UBAP2L: variants seen among roughly 807,000 people sequenced by gnomAD.
UBAP2L encodes the protein ubiquitin-associated protein 2-like.
A neutral mutation model predicts 130.6 loss-of-function variants in UBAP2L; 12 were observed. The observed-to-expected ratio is 0.09, with a 90% CI of 0.06 to 0.15. UBAP2L has a LOEUF of 0.15. Among genes scored for constraint, UBAP2L ranks in the 10% least tolerant of loss-of-function variants. The pLI, the probability that UBAP2L is intolerant of heterozygous loss-of-function variation, is 1.00. For synonymous variants in UBAP2L, 503 were observed against 524.7 expected, an observed-to-expected ratio of 0.96 and a Z score of 0.57; for missense variants, 965 against 1,332.5, an observed-to-expected ratio of 0.72 and a Z score of 4.29.
intron 10 of UBAP2L, 34 bp from the exon 11 acceptor site, chr1:154,246,169 CA>C: frequency 6.3e-7 from 1 of 1,579,092 alleles, no homozygotes; most frequent in South Asian, 1.1e-5. Flanking sequence ...CGTGTTCAGT[CA>C]TTCTTCATGA....
intron 12 of UBAP2L, among the ~76,000 whole-genome samples, chr1:154,250,027 T>C (rs977690485): frequency 6.6e-6 from 1 of 152,200 alleles, no homozygotes; most frequent in African/African-American, 2.4e-5. Flanking sequence ...TAAGACCTTA[T>C]ACAGTAAGTC....
At chr1:154,270,172 T>G (rs1270096154) in intron 26 of UBAP2L, 28 bp from the exon 27 acceptor site, 1 of 1,553,686 alleles carries the variant, frequency 6.4e-7, no homozygotes, top group Non-Finnish European at 8.7e-7. Context: ...ACCTTTTTCC[T>G]CCTCATGATC....
At chr1:154,221,263 G>A (rs1005890424) in intron 1 of UBAP2L, 8 of 152,854 alleles carry the variant, frequency 5.2e-5, no homozygotes, top group African/African-American at 1.9e-4. Context: ...CCGCGCCAGA[G>A]CCGGGGCCTC....
intron 24 of UBAP2L, 75 bp from the exon 25 acceptor site, chr1:154,266,426 A>G: frequency 6.8e-7 from 1 of 1,477,172 alleles, no homozygotes; most frequent in South Asian, 1.1e-5. Context: ...AAGGCTACAG[A>G]TATCACCTCA....
intron 4 of UBAP2L, 36 bp downstream of exon 4, chr1:154,228,761 C>T (rs1668813571): frequency 1.3e-6 from 2 of 1,500,166 alleles, no homozygotes; most frequent in African/African-American, 2.8e-5. Flanking sequence ...GACATGGGTC[C>T]TCAATTGGGA....
intron 14 of UBAP2L, 101 bp downstream of exon 14, chr1:154,251,754 A>G: frequency 2.3e-6 from 3 of 1,323,406 alleles, no homozygotes; most frequent in African/African-American, 1.5e-5. Context: ...GCCCCTCTGC[A>G]TGGCTGAGGG....
At chr1:154,233,964 A>G (rs954067700) in intron 4 of UBAP2L, among the ~76,000 whole-genome samples, 1 of 151,960 alleles carries the variant, frequency 6.6e-6, no homozygotes, top group Admixed American at 6.6e-5. Flanking sequence ...ACTGAATTAG[A>G]TAGAGGTCTT....
At chr1:154,263,525 A>G (rs1682283306) in intron 24 of UBAP2L, 4 of 1,029,600 alleles carry the variant, frequency 3.9e-6, no homozygotes, top group Non-Finnish European at 4.7e-6. Flanking sequence ...CTTTCCGTGC[A>G]TGTCTTTGTG....
At chr1:154,254,545 G>C in intron 15 of UBAP2L, 2 of 508,234 alleles carry the variant, frequency 3.9e-6, no homozygotes, top group South Asian at 4.9e-5. Flanking sequence ...TGTGGACTTT[G>C]GGCCTTTCCT....
chr1:154,257,004 C>T, intron 18 of UBAP2L, 59 bp from the exon 19 acceptor site: 2 of 1,550,936 alleles, frequency 1.3e-6, no homozygotes, highest in Non-Finnish European at 1.7e-6. Context: ...CTTATTTTTC[C>T]TGACCTATGA....
At chr1:154,230,910 A>G (rs1669617666) in intron 4 of UBAP2L, among the ~76,000 whole-genome samples, 2 of 152,194 alleles carry the variant, frequency 1.3e-5, no homozygotes, top group Admixed American at 1.3e-4. Flanking sequence ...GAGGAGGGAG[A>G]AAGGTTACAG....
intron 2 of UBAP2L, among the ~76,000 whole-genome samples, chr1:154,226,984 G>A (rs965089264): frequency 1.3e-5 from 2 of 152,088 alleles, no homozygotes; most frequent in African/African-American, 2.4e-5. Context: ...CACCACACCC[G>A]GCTAATTTTT....
rs1380371989 is a variant in UBAP2L at position 154,270,600 on chromosome 1, G to GGT, written c.*307_*308dup. 1 of 1,416,270 alleles carries GGT rather than the reference G, an allele frequency of 7.1e-7. No homozygotes were observed. Among genetic ancestry groups the GGT allele is most frequent in the Non-Finnish European group, 9.2e-7 (1 of 1,090,536 alleles). The allele number at this position is 1,416,270 out of a possible 1,614,324, so 87.7% of individuals were successfully genotyped here. ...TCCTTTGCTTCCTCCTGTTCACCCT[G>GGT]GTGGTGTACGGATGAGGCGGGGAGG... On this transcript the variant is annotated 3_prime_UTR_variant, in exon 27 of 27. Transcript: ENST00000428931.
intron 4 of UBAP2L, among the ~76,000 whole-genome samples, chr1:154,231,808 C>T (rs1405448099): frequency 1.3e-5 from 2 of 152,138 alleles, no homozygotes; most frequent in Non-Finnish European, 2.9e-5. Flanking sequence ...CATCAGTGGA[C>T]ACTTGGAATT....
At position 154,236,557 on chromosome 1, in the gene UBAP2L, T is replaced by A. The variant is rs767912678; in HGVS notation, c.545-9T>A. On this transcript the variant is annotated splice_polypyrimidine_tract_variant and intron_variant, in intron 6 of 26. Coordinates refer to ENST00000428931, the MANE Select transcript of UBAP2L (RefSeq NM_014847.4). ...CATCTCTCTTCTCTTTTTCTCATTC[T>A]TTCTTTAGGTGGCTCTGGTAGGCGA... 1.9e-6 allele frequency: 3 copies of A among 1,614,126 alleles called. No homozygotes were observed. The Admixed American group carries it at 5.0e-5, about 27-fold the overall frequency.
At chr1:154,267,944 T>C (rs1194595) in intron 25 of UBAP2L, among the ~76,000 whole-genome samples, 141,689 of 141,692 alleles carry the variant, frequency 1, 70,843 homozygotes, top group Non-Finnish European at 1. Flanking sequence ...GGCTGGAGTG[T>C]AATGGTGCGA....
chr1:154,249,383 A>C lies in UBAP2L; in HGVS notation c.1159A>C (p.Thr387Pro), dbSNP rs1420148861. 6.2e-7 allele frequency: 1 copy of C among 1,613,878 alleles called. No homozygotes were observed. Among genetic ancestry groups the C allele is most frequent in the East Asian group, 2.2e-5 (1 of 44,870 alleles). ...AQHSQSGSTT[T>P]SSWDMGSTTQ... ...GCATTCTCAGTCTGGAAGCACCACC[A>C]CCTCCTCTTGGGACATGGGCTCGAC... Residue 387 changes from threonine (T) to proline (P), a missense_variant, in exon 12 of 27, where the codon ACC becomes CCC. Thr to Pro is a conservative substitution (Grantham distance 38, BLOSUM62 -1). Transcript: ENST00000428931.
chr1:154,254,708 CT>C lies in UBAP2L; in HGVS notation c.1855-124del. 3 of 1,028,848 alleles carry C rather than the reference CT, an allele frequency of 2.9e-6. No individual in the cohort carries two copies. In the South Asian group the frequency reaches 4.5e-5, roughly 15 times the overall value. 63.7% of individuals were successfully genotyped at this position (1,028,848 alleles called of 1,614,324 possible). On this transcript the variant is annotated intron_variant, in intron 15 of 26. Transcript: ENST00000428931. ...AGTCTACATTGTATTAATATTAATC[CT>C]TTTGGTTAATTTACAGAGTTTCTCC...
chr1:154,248,828 A>T (rs1676535661), intron 11 of UBAP2L, among the ~76,000 whole-genome samples: 1 of 152,182 alleles, frequency 6.6e-6, no homozygotes, highest in Non-Finnish European at 1.5e-5. Context: ...AAACAAAAAC[A>T]AAAACAAAAA....
Sources: allele counts gnomAD v4.1 joint callset (sites outside exome capture counted in the v4.1 genomes callset), GRCh38; gene constraint gnomAD v4.1.1; transcripts MANE v1.5; gene names NCBI Gene and HGNC (gene_info 2026-07-23, HGNC 2026-07-21).